PTPRT: variants seen among roughly 807,000 people sequenced by gnomAD.
PTPRT encodes the protein protein tyrosine phosphatase receptor type T, also known as receptor-type tyrosine-protein phosphatase T.
Under a neutral mutation model 176.8 loss-of-function variants are expected in PTPRT, and 56 were observed. The ratio of observed to expected loss-of-function variants is 0.32; its 90% CI spans 0.26 to 0.40. The LOEUF (loss-of-function observed/expected upper bound fraction) is 0.40. PTPRT is among the 10% of genes least tolerant of loss of function. PTPRT has a pLI of 1.00. For synonymous variants in PTPRT, 783 were observed against 739.0 expected, an observed-to-expected ratio of 1.06 and a Z score of -0.96; for missense variants, 1,540 against 1,908.2, an observed-to-expected ratio of 0.81 and a Z score of 3.60.
chr20:42,339,226 T>C (rs147244794), intron 11 of PTPRT, among the ~76,000 whole-genome samples: 3 of 152,284 alleles, frequency 2.0e-5, no homozygotes, highest in African/African-American at 7.2e-5. Flanking sequence ...AACATCCGCA[T>C]AGAAGTGACC....
intron 9 of PTPRT, among the ~76,000 whole-genome samples, chr20:42,355,328 C>T (rs1215614760): frequency 2.0e-5 from 3 of 152,204 alleles, no homozygotes; most frequent in Non-Finnish European, 4.4e-5. Flanking sequence ...CTCTTCCCCA[C>T]TCCATATCTC....
At position 42,394,796 on chromosome 20, in the gene PTPRT, G is replaced by T. The variant is rs1268292746; in HGVS notation, c.1561-42511C>A. Among the ~76,000 whole-genome samples the T allele has an allele frequency of 2.0e-5, 3 of 152,196 alleles. No individual in the cohort carries two copies. In the South Asian group the frequency reaches 6.2e-4, roughly 32 times the overall value. On this transcript the variant is annotated intron_variant, in intron 9 of 30. Transcript: ENST00000373187. Reference sequence around the variant, plus strand: ...ATCATTATTTGTTCAGTGCAATAATGAACAACTAGAAAAAACTAAATACCC... The same window carrying T: ...ATCATTATTTGTTCAGTGCAATAATTAACAACTAGAAAAAACTAAATACCC...
At chr20:42,573,527 G>C (rs2073196154) in intron 7 of PTPRT, among the ~76,000 whole-genome samples, 1 of 152,140 alleles carries the variant, frequency 6.6e-6, no homozygotes, top group African/African-American at 2.4e-5. Context: ...AGAAATTGTA[G>C]CCTGTAGCCC....
At chr20:42,281,125 C>T (rs1370028373) in intron 13 of PTPRT, among the ~76,000 whole-genome samples, 1 of 152,186 alleles carries the variant, frequency 6.6e-6, no homozygotes, top group Non-Finnish European at 1.5e-5. Flanking sequence ...TGTCTAGAGC[C>T]CTAGTGCTAC....
At chr20:42,209,543 C>T (rs1227791027) in intron 15 of PTPRT, among the ~76,000 whole-genome samples, 2 of 152,190 alleles carry the variant, frequency 1.3e-5, no homozygotes, top group Non-Finnish European at 2.9e-5. Context: ...ACTAGAAAAT[C>T]TAGAAGAAAT....
intron 11 of PTPRT, among the ~76,000 whole-genome samples, chr20:42,330,000 A>G (rs1465361656): frequency 6.6e-6 from 1 of 152,246 alleles, no homozygotes; most frequent in African/African-American, 2.4e-5. Flanking sequence ...CATGAACGAC[A>G]TGGCATAATC....
chr20:42,728,801 T>C (rs537570491), intron 6 of PTPRT, among the ~76,000 whole-genome samples: 1 of 152,298 alleles, frequency 6.6e-6, no homozygotes, highest in South Asian at 2.1e-4. Context: ...CACCAAGTCT[T>C]TCTGGCCAGG....
intron 1 of PTPRT, among the ~76,000 whole-genome samples, chr20:42,935,594 C>T (rs1980137543): frequency 6.6e-6 from 1 of 152,134 alleles, no homozygotes; most frequent in Admixed American, 6.5e-5. Flanking sequence ...ATGATCAGAG[C>T]CTCTCTCCTA....
intron 7 of PTPRT, among the ~76,000 whole-genome samples, chr20:42,508,483 G>A (rs889552759): frequency 2.0e-5 from 3 of 152,054 alleles, no homozygotes; most frequent in African/African-American, 4.8e-5. Context: ...AAGTTGTGGT[G>A]GAGAATATAA....
intron 1 of PTPRT, among the ~76,000 whole-genome samples, chr20:43,114,760 A>G (rs1456957426): frequency 2.6e-5 from 4 of 152,134 alleles, no homozygotes; most frequent in Admixed American, 1.3e-4. Context: ...CACCAGTGTT[A>G]TTATTTATTA....
chr20:42,801,522 C>T (rs909163451), intron 2 of PTPRT, among the ~76,000 whole-genome samples: 3 of 152,180 alleles, frequency 2.0e-5, no homozygotes, highest in Admixed American at 6.5e-5. Context: ...TTTGTTCTAA[C>T]CACAAGTATT....
intron 16 of PTPRT, among the ~76,000 whole-genome samples, chr20:42,182,903 CA>C (rs1485015608): frequency 1.2e-4 from 12 of 97,656 alleles, no homozygotes; most frequent in African/African-American, 4.2e-4. Flanking sequence ...ATCCTACAAG[CA>C]GGGGTGTGTG....
intron 17 of PTPRT, among the ~76,000 whole-genome samples, chr20:42,159,524 C>T (rs1352513347): frequency 6.6e-6 from 1 of 151,994 alleles, no homozygotes; most frequent in East Asian, 1.9e-4. Flanking sequence ...AAAGCATGCT[C>T]ACATGCACCC....
At chr20:42,834,339 A>C (rs2078144416) in intron 2 of PTPRT, among the ~76,000 whole-genome samples, 1 of 152,162 alleles carries the variant, frequency 6.6e-6, no homozygotes, top group African/African-American at 2.4e-5. Context: ...TAAAATTTAA[A>C]ACAAAGGGGA....
chr20:43,087,655 C>T (rs2011652307), intron 1 of PTPRT, among the ~76,000 whole-genome samples: 1 of 152,152 alleles, frequency 6.6e-6, no homozygotes, highest in South Asian at 2.1e-4. Context: ...TGAGCCACTG[C>T]ACCTTGCCCA....
intron 6 of PTPRT, among the ~76,000 whole-genome samples, chr20:42,726,105 G>A (rs1410299453): frequency 6.8e-6 from 1 of 148,074 alleles, no homozygotes; most frequent in Non-Finnish European, 1.5e-5. Context: ...TATAGACTGA[G>A]TTTTGCTGTT....
chr20:42,286,365 C>G (rs917374728), intron 12 of PTPRT, among the ~76,000 whole-genome samples: 1 of 152,054 alleles, frequency 6.6e-6, no homozygotes, highest in Non-Finnish European at 1.5e-5. Context: ...CAGCATGGTA[C>G]TGGCATAAAA....
intron 12 of PTPRT, among the ~76,000 whole-genome samples, chr20:42,301,320 G>T (rs2057464854): frequency 1.3e-5 from 2 of 152,080 alleles, no homozygotes; most frequent in African/African-American, 2.4e-5. Context: ...GAAAACCTCA[G>T]ACAAACCCAA....
At chr20:42,109,929 T>C (rs538700312) in intron 23 of PTPRT, among the ~76,000 whole-genome samples, 14 of 152,192 alleles carry the variant, frequency 9.2e-5, no homozygotes, top group African/African-American at 3.1e-4. Context: ...CAGAAAGCAC[T>C]GGGCATGGGG....
Sources: gnomAD v4.1 joint callset for allele counts (sites outside exome capture counted in the v4.1 genomes callset) on GRCh38, gnomAD v4.1.1 for gene constraint, MANE v1.5 for transcripts, NCBI Gene and HGNC (gene_info 2026-07-23, HGNC 2026-07-21) for gene names.